DYM: variants seen among roughly 807,000 people sequenced by gnomAD.
The protein encoded by DYM is dyggve-Melchior-Clausen syndrome protein.
DYM carries 78 observed loss-of-function variants against 93.1 expected under a neutral mutation model. The ratio of observed to expected loss-of-function variants is 0.84; its 90% confidence interval spans 0.70 to 1.01. DYM has a LOEUF of 1.01. Among genes scored for constraint, DYM ranks in the 50% least tolerant of loss-of-function variants. The probability of loss-of-function intolerance (pLI) is 0.00; values close to 1 mark genes in which losing one functional copy is unlikely to be tolerated. For missense variants in DYM, 789 were observed against 845.0 expected, an observed-to-expected ratio of 0.93 and a Z score of 0.82; for synonymous variants, 321 against 319.7, an observed-to-expected ratio of 1.00 and a Z score of -0.04.
chr18:49,407,998 A>C (rs77562127), intron 2 of DYM, among the ~76,000 whole-genome samples: 8 of 148,714 alleles, frequency 5.4e-5, no homozygotes, highest in African/African-American at 1.7e-4. Flanking sequence ...AAGAGGCTGA[A>C]GGGGGAGGAC....
chr18:49,276,045 T>A (rs115274355), intron 10 of DYM, among the ~76,000 whole-genome samples: 1 of 152,088 alleles, frequency 6.6e-6, no homozygotes, highest in Non-Finnish European at 1.5e-5. Context: ...TGCTTTCCAA[T>A]CTAGATATGT....
Position 49,080,094 on chromosome 18 carries a change from G to A in DYM, c.2025+17308C>T, listed in dbSNP as rs1473893182. Among the ~76,000 whole-genome samples the A allele has an allele frequency of 5.1e-5, 7 of 138,588 alleles. No individual in the cohort carries two copies. In the South Asian group the frequency reaches 9.5e-4, roughly 19 times the overall value. The allele number at this position is 138,588 out of a possible 152,430, so 90.9% of individuals were successfully genotyped here. A position where few individuals can be genotyped will look rare whatever the true frequency, so the allele number is the denominator to read the frequency against. On this transcript the variant is annotated intron_variant, in intron 17 of 17. Coordinates refer to ENST00000675505, the MANE Select transcript of DYM (RefSeq NM_001353214.3). Reference sequence around the variant, plus strand: ...GCGCCCCTCACCTCCCGGACGGGGCGGCTGGCCGGGCGGGGGGCTGACCCC... The same window carrying A: ...GCGCCCCTCACCTCCCGGACGGGGCAGCTGGCCGGGCGGGGGGCTGACCCC...
chr18:49,108,320 T>C lies in DYM; in HGVS notation c.1911+10424A>G, dbSNP rs186890115. Among the ~76,000 whole-genome samples the C allele has an allele frequency of 3.4e-3, 518 of 152,328 alleles. 3 individuals are homozygous for C. Among genetic ancestry groups the C allele is most frequent in the African/African-American group, 0.011 (459 of 41,578 alleles). ...GCCGTCTGTCACCCCTTTCTTTGAC[T>C]AGGAAAGGGAATTCACTGACCCCTT... On this transcript the variant is annotated intron_variant, in intron 16 of 17. Coordinates refer to ENST00000675505, the MANE Select transcript of DYM (RefSeq NM_001353214.3).
chr18:49,206,287 C>A (rs1279779944), intron 14 of DYM, among the ~76,000 whole-genome samples: 3 of 151,962 alleles, frequency 2.0e-5, no homozygotes, highest in Non-Finnish European at 2.9e-5. Context: ...CATTAGCCAC[C>A]GCGCCCAGCT....
intron 15 of DYM, among the ~76,000 whole-genome samples, chr18:49,157,221 G>A (rs1248082145): frequency 6.6e-6 from 1 of 152,126 alleles, no homozygotes. Context: ...GTTAGTGACT[G>A]CTGGCTGTTG....
chr18:49,439,174 C>CT (rs998656117), intron 1 of DYM, among the ~76,000 whole-genome samples: 17 of 152,072 alleles, frequency 1.1e-4, no homozygotes, highest in African/African-American at 3.1e-4. Context: ...ATATTTCAGA[C>CT]TTTTTTTAAC....
At chr18:49,271,586 A>C (rs578145377) in intron 11 of DYM, among the ~76,000 whole-genome samples, 1 of 152,220 alleles carries the variant, frequency 6.6e-6, no homozygotes, top group African/African-American at 2.4e-5. Context: ...AATCAGAAAT[A>C]GGGTGAACAT....
At chr18:49,279,503 A>C (rs2094919683) in intron 10 of DYM, among the ~76,000 whole-genome samples, 1 of 152,222 alleles carries the variant, frequency 6.6e-6, no homozygotes. Flanking sequence ...GAAATTATCC[A>C]ACAAAACCAG....
intron 14 of DYM, among the ~76,000 whole-genome samples, chr18:49,192,057 C>G (rs1051526981): frequency 6.6e-6 from 1 of 151,664 alleles, no homozygotes; most frequent in African/African-American, 2.4e-5. Context: ...CTGCCTCAGC[C>G]TCCTGGGACT....
At chr18:49,233,615 T>C (rs1405878804) in intron 13 of DYM, among the ~76,000 whole-genome samples, 1 of 152,188 alleles carries the variant, frequency 6.6e-6, no homozygotes, top group African/African-American at 2.4e-5. Context: ...TTTCCAATGA[T>C]TAGATAAATG....
intron 5 of DYM, among the ~76,000 whole-genome samples, chr18:49,372,076 C>A (rs896704348): frequency 1.3e-5 from 2 of 152,228 alleles, no homozygotes; most frequent in African/African-American, 4.8e-5. Context: ...AGATGGCCCT[C>A]TACTTTTGTA....
chr18:49,303,726 C>A (rs1239719286), intron 8 of DYM, among the ~76,000 whole-genome samples: 1 of 152,224 alleles, frequency 6.6e-6, no homozygotes, highest in Non-Finnish European at 1.5e-5. Context: ...AGTTCAAGTG[C>A]TTTCCTATAT....
At chr18:49,358,154 AAAAT>A (rs751093300) in intron 6 of DYM, among the ~76,000 whole-genome samples, 1 of 152,184 alleles carries the variant, frequency 6.6e-6, no homozygotes, top group Non-Finnish European at 1.5e-5. Flanking sequence ...CCATCTCAAA[AAAAT>A]AAATAAATAA....
intron 15 of DYM, among the ~76,000 whole-genome samples, chr18:49,158,587 C>A (rs2086705015): frequency 6.6e-6 from 1 of 152,164 alleles, no homozygotes; most frequent in Admixed American, 6.5e-5. Context: ...CCAGAAAAAT[C>A]TTTAAGGGAC....
At chr18:49,260,034 A>G (rs1232138703) in intron 11 of DYM, among the ~76,000 whole-genome samples, 1 of 152,226 alleles carries the variant, frequency 6.6e-6, no homozygotes, top group African/African-American at 2.4e-5. Context: ...TTGACAGAAT[A>G]TTGCATCCAT....
At chr18:49,158,655 A>G (rs2086715034) in intron 15 of DYM, among the ~76,000 whole-genome samples, 1 of 152,180 alleles carries the variant, frequency 6.6e-6, no homozygotes, top group Non-Finnish European at 1.5e-5. Flanking sequence ...GTTCAGTTGT[A>G]TTAATTTTTA....
intron 9 of DYM, among the ~76,000 whole-genome samples, chr18:49,282,624 C>T (rs771539097): frequency 2.2e-4 from 33 of 152,206 alleles, no homozygotes; most frequent in Non-Finnish European, 2.8e-4. Flanking sequence ...CAAAACAAAA[C>T]AAAAATTTTA....
intron 14 of DYM, among the ~76,000 whole-genome samples, chr18:49,166,370 C>T (rs921211190): frequency 2.6e-5 from 4 of 151,910 alleles, no homozygotes; most frequent in Admixed American, 6.6e-5. Context: ...ATGGATATAC[C>T]GTAATTTATT....
intron 8 of DYM, among the ~76,000 whole-genome samples, chr18:49,300,546 G>C (rs2060863425): frequency 6.6e-6 from 1 of 151,740 alleles, no homozygotes; most frequent in Non-Finnish European, 1.5e-5. Flanking sequence ...ATTAGAGTAA[G>C]TTGATGTTCG....
Sources: gnomAD v4.1 joint callset for allele counts (sites outside exome capture counted in the v4.1 genomes callset) on GRCh38, gnomAD v4.1.1 for gene constraint, MANE v1.5 for transcripts, NCBI Gene and HGNC (gene_info 2026-07-23, HGNC 2026-07-21) for gene names.